The following RNF126 variants were observed in gnomAD, a reference collection of about 807,000 sequenced individuals.
The protein encoded by RNF126 is ring finger protein 126, also known as E3 ubiquitin-protein ligase RNF126.
In RNF126, 20 loss-of-function variants were observed where a neutral mutation model predicts 41.9. The observed-to-expected ratio is 0.48, with a 90% confidence interval of 0.34 to 0.69. The LOEUF is 0.69. RNF126 is among the 30% of genes least tolerant of loss of function. RNF126 has a pLI of 0.01. For synonymous variants in RNF126, 239 were observed against 202.9 expected (o/e 1.18, Z -1.51); for missense variants, 433 against 460.6 (o/e 0.94, Z 0.55).
chr19:648,547 G>T, intron 7 of RNF126, 60 bp from the exon 8 acceptor site: 1 of 1,352,892 alleles, frequency 7.4e-7, no homozygotes, highest in Non-Finnish European at 1.0e-6. Flanking sequence ...GCCTTCAAGG[G>T]CAGGCTACTC....
At chr19:662,359 G>A (rs1446793378) in intron 1 of RNF126, among the ~76,000 whole-genome samples, 8 of 152,220 alleles carry the variant, frequency 5.3e-5, no homozygotes, top group Non-Finnish European at 8.8e-5. Flanking sequence ...TCTTCGGTGA[G>A]GGGCGGCTGT....
At chr19:654,423 A>G (rs937227423) in intron 1 of RNF126, among the ~76,000 whole-genome samples, 4 of 152,020 alleles carry the variant, frequency 2.6e-5, no homozygotes, top group Non-Finnish European at 5.9e-5. Flanking sequence ...CGGGCGGATC[A>G]TCTGAGATCA....
intron 1 of RNF126, 36 bp from the exon 2 acceptor site, chr19:652,920 G>T: frequency 1.3e-6 from 2 of 1,589,692 alleles, no homozygotes; most frequent in Non-Finnish European, 1.7e-6. Flanking sequence ...TCACGGTGAC[G>T]CCGGCATCAC....
At chr19:650,363 A>G in intron 4 of RNF126, 67 bp from the exon 5 acceptor site, 2 of 1,437,880 alleles carry the variant, frequency 1.4e-6, no homozygotes, top group Non-Finnish European at 1.9e-6. Flanking sequence ...CAGGCCTGCC[A>G]GGTCCGTGGT....
intron 8 of RNF126, 22 bp downstream of exon 8, chr19:648,350 G>GGGGGGGGGGGGGGGGA: frequency 1.8e-6 from 1 of 571,360 alleles, no homozygotes; most frequent in Non-Finnish European, 2.9e-6. Flanking sequence ...GGGGTGGGGG[G>GGGGGGGGGGGGGGGGA]GCGGGTGGGC....
chr19:662,813 G>C (rs1278800515), intron 1 of RNF126, among the ~76,000 whole-genome samples: 1 of 152,122 alleles, frequency 6.6e-6, no homozygotes, highest in East Asian at 1.9e-4. Context: ...GCTCCGGCCA[G>C]GCCCTGCCTC....
At chr19:649,337 T>C (rs1054908906) in intron 6 of RNF126, 25 of 347,018 alleles carry the variant, frequency 7.2e-5, no homozygotes, top group Non-Finnish European at 1.1e-4. Context: ...CAAGGGCTCC[T>C]CAGCAAGGCT....
intron 1 of RNF126, among the ~76,000 whole-genome samples, chr19:656,995 G>A (rs1489822870): frequency 6.6e-6 from 1 of 152,134 alleles, no homozygotes; most frequent in Admixed American, 6.5e-5. Context: ...CAGGGCTCAG[G>A]CTCTCCCTGC....
At position 653,000 on chromosome 19, in the gene RNF126, G is replaced by A. The variant is rs776311641; in HGVS notation, c.76-116C>T. On this transcript the variant is annotated intron_variant, in intron 1 of 8. Coordinates refer to ENST00000292363, the MANE Select transcript of RNF126 (RefSeq NM_194460.3). ...GCGGTCTCTGGCTGGCCAGGCACAC[G>A]CAGGCCAGGGTGGCTCCCAACCCGT... The A allele has an allele frequency of 9.1e-4, 888 of 980,368 alleles. 2 individuals carry two copies. The highest frequency in any genetic ancestry group is 5.1e-3 in the Middle Eastern group (24 of 4,714). 60.7% of individuals were successfully genotyped at this position (980,368 alleles called of 1,614,324 possible).
intron 1 of RNF126, among the ~76,000 whole-genome samples, chr19:656,909 C>T (rs1351420078): frequency 1.3e-5 from 2 of 152,206 alleles, no homozygotes; most frequent in Admixed American, 6.5e-5. Flanking sequence ...GGGTTGCCGC[C>T]GTCCGCCCGC....
At chr19:655,639 A>G (rs564202023) in intron 1 of RNF126, among the ~76,000 whole-genome samples, 22 of 150,658 alleles carry the variant, frequency 1.5e-4, no homozygotes, top group Admixed American at 4.7e-4. Context: ...CTGGGAGCCC[A>G]GAAGTCCCCC....
intron 2 of RNF126, chr19:652,544 G>A (rs60873291): frequency 0.014 from 8,497 of 601,790 alleles, 520 homozygotes; most frequent in African/African-American, 0.14. Context: ...TAGGGCCCCC[G>A]TGGCCCCTTC....
intron 1 of RNF126, among the ~76,000 whole-genome samples, chr19:658,287 G>A (rs1039903772): frequency 6.6e-6 from 1 of 152,110 alleles, no homozygotes; most frequent in African/African-American, 2.4e-5. Flanking sequence ...TGCACGGGGC[G>A]CATGTCCTGA....
intron 1 of RNF126, 40 bp from the exon 2 acceptor site, chr19:652,924 G>GC (rs1472125440): frequency 1.3e-6 from 2 of 1,577,152 alleles, no homozygotes; most frequent in Non-Finnish European, 1.7e-6. Flanking sequence ...GGTGACGCCG[G>GC]CATCACCTGC....
rs1315864129 is a variant in RNF126 at position 651,789 on chromosome 19, C to T, written c.265G>A (p.Asp89Asn). 6.2e-7 allele frequency: 1 copy of T among 1,612,836 alleles called. No individual in the cohort carries two copies. Among genetic ancestry groups the T allele is most frequent in the Non-Finnish European group, 8.5e-7 (1 of 1,179,888 alleles). The change falls in exon 4 of 9, where the codon GAC becomes AAC. Residue 89 changes from aspartate to asparagine, a missense_variant. Asp to Asn is a conservative substitution (Grantham distance 23, BLOSUM62 1). This residue lies in a region of RNF126 where 247 missense variants were observed against 224.7 expected (regional missense o/e 1.10). Transcript: ENST00000292363. ...GGGAACGTGGGGATCTCGAAGCTGT[C>T]ATCGAAGATGCCGAAAGCAAACTGT... Reference protein sequence around the residue: ...YGQFAFGIFDDSFEIPTFPPG... With the variant: ...YGQFAFGIFDNSFEIPTFPPG...
intron 5 of RNF126, 118 bp downstream of exon 5, chr19:650,116 G>A (rs1405981376): frequency 3.6e-6 from 3 of 835,818 alleles, no homozygotes; most frequent in Admixed American, 5.1e-5. Flanking sequence ...GGCTGGGGAT[G>A]GGGACAGGCA....
In RNF126 at chr19:652,156, G is replaced by A. The variant is rs532018001; in HGVS notation, c.198+77C>T. Reference sequence around the variant, plus strand: ...TGCGGGCAGGGAGAGCCGGGGAGGCGAGGTGGGGACAGGCTGGCGCTCGGG... The same window carrying A: ...TGCGGGCAGGGAGAGCCGGGGAGGCAAGGTGGGGACAGGCTGGCGCTCGGG... On this transcript the variant is annotated intron_variant, in intron 3 of 8. Transcript: ENST00000292363. 1.4e-5 allele frequency: 17 copies of A among 1,213,826 alleles called. 1 individual carries two copies. In the South Asian group the frequency reaches 1.7e-4, roughly 12 times the overall value. 75.2% of individuals were successfully genotyped at this position (1,213,826 alleles called of 1,614,324 possible).
rs1229043515 is a variant in RNF126 at position 648,219 on chromosome 19, G to A, written c.845C>T (p.Pro282Leu). 11 of 1,602,768 alleles carry A rather than the reference G, an allele frequency of 6.9e-6. No homozygotes were observed. Among genetic ancestry groups the A allele is most frequent in the Non-Finnish European group, 8.5e-6 (10 of 1,174,970 alleles). The change falls in exon 9 of 9, where the codon CCC becomes CTC. Residue 282 changes from proline to leucine, a missense_variant. Transcript: ENST00000292363. ...GAAGCTCACCCCAGTGAGGCCAGGG[G>A]GGTTCGTGGCCGTGTTCTGTCCCGT... ...SLTGQNTATN[P>L]PGLTGVSFSS...
At chr19:658,091 C>T (rs1568194390) in intron 1 of RNF126, among the ~76,000 whole-genome samples, 1 of 151,980 alleles carries the variant, frequency 6.6e-6, no homozygotes, top group Non-Finnish European at 1.5e-5. Flanking sequence ...ATTCACCTCT[C>T]CGTCAGAGAA....
Sources: gnomAD v4.1 joint callset for allele counts (sites outside exome capture counted in the v4.1 genomes callset) on GRCh38, gnomAD v4.1.1 for gene constraint, gnomAD v4.1.1 regional missense constraint, MANE v1.5 for transcripts, NCBI Gene and HGNC (gene_info 2026-07-23, HGNC 2026-07-21) for gene names.